Variants in MRI1 observed in about 807,000 individuals in gnomAD.
MRI1 encodes the protein methylthioribose-1-phosphate isomerase 1.
In MRI1, 32 loss-of-function variants were observed where a neutral mutation model predicts 27.3. That is an observed-to-expected ratio of 1.17 (90% CI 0.88 to 1.57). The LOEUF is 1.57. MRI1 is among the 40% of genes most tolerant of loss of function. The probability of loss-of-function intolerance (pLI) is 0.00; values close to 1 mark genes in which losing one functional copy is unlikely to be tolerated. For missense variants in MRI1, 508 were observed against 516.1 expected, an observed-to-expected ratio of 0.98 and a Z score of 0.15; for synonymous variants, 216 against 227.4, an observed-to-expected ratio of 0.95 and a Z score of 0.45.
In MRI1 at chr19:13,766,020, A is replaced by T. The variant is rs1408526006; in HGVS notation, c.438A>T (p.Leu146=). ...DLRDNRSIGD[L]GARHLLERVA... is the part of the protein sequence containing the mutation. Reference sequence around the variant, plus strand: ...GAGACAACCGAAGCATTGGGGACCTAGGAGCCCGCCACCTCCTGGAGCGGG... The same window carrying T: ...GAGACAACCGAAGCATTGGGGACCTTGGAGCCCGCCACCTCCTGGAGCGGG... Residue 146 remains leucine (L), a synonymous_variant, in exon 3 of 6, where the codon CTA becomes CTT. Transcript: ENST00000040663. 2 of 1,613,310 alleles carry T rather than the reference A, an allele frequency of 1.2e-6. No individual in the cohort carries two copies. The highest frequency in any genetic ancestry group is 2.2e-5 in the South Asian group (2 of 91,036).
intron 2 of MRI1, among the ~76,000 whole-genome samples, chr19:13,765,388 G>A (rs1974099909): frequency 6.6e-6 from 1 of 152,094 alleles, no homozygotes; most frequent in Non-Finnish European, 1.5e-5. Flanking sequence ...TCCGCCCTTG[G>A]AGGCCCTTTT....
In MRI1 at chr19:13,768,885, C is replaced by CT; in HGVS notation, c.787dup (p.Tyr263LeufsTer24). 1 of 1,613,940 alleles carries CT rather than the reference C, an allele frequency of 6.2e-7. No individual in the cohort carries two copies. Among genetic ancestry groups the CT allele is most frequent in the African/African-American group, 1.3e-5 (1 of 75,068 alleles). ...GCGACACAGCCAACAAGGTGGGCAC[C>CT]TACCAGCTGGCCATTGTCGCCAAGC... On this transcript the variant is annotated frameshift_variant, in exon 5 of 6. Coordinates refer to ENST00000040663, the MANE Select transcript of MRI1 (RefSeq NM_001031727.4). LOFTEE classifies it high-confidence loss of function.
In MRI1 at chr19:13,768,910, C is replaced by T; in HGVS notation, c.811C>T (p.His271Tyr). 6.2e-7 allele frequency: 1 copy of T among 1,614,132 alleles called. No homozygotes were observed. The highest frequency in any genetic ancestry group is 8.5e-7 in the Non-Finnish European group (1 of 1,179,998). ...CTACCAGCTGGCCATTGTCGCCAAG[C>T]ACCATGGCATTCCCTTCTACGTGGC... ...GTYQLAIVAKHHGIPFYVAAP... is the reference protein window; with the variant it reads ...GTYQLAIVAKYHGIPFYVAAP... Residue 271 changes from histidine (H) to tyrosine (Y), a missense_variant, in exon 5 of 6, where the codon CAC becomes TAC. By Grantham distance (83) the His-to-Tyr change is moderately conservative. Transcript: ENST00000040663.
At chr19:13,770,581 C>T (rs986986263) in intron 5 of MRI1, among the ~76,000 whole-genome samples, 1 of 151,126 alleles carries the variant, frequency 6.6e-6, no homozygotes, top group Admixed American at 6.6e-5. Context: ...AGCGAAACTC[C>T]ATCTCAAAAA....
chr19:13,768,975 C>T lies in MRI1; in HGVS notation c.876C>T (p.Gly292=). Residue 292 remains glycine (G), a synonymous_variant, in exon 5 of 6, where the codon GGC becomes GGT. Coordinates refer to ENST00000040663, the MANE Select transcript of MRI1 (RefSeq NM_001031727.4). ...SSSCDLRLET[G]KEIIIEERPG... is the part of the protein sequence containing the mutation. ...CATGTGACCTCCGTCTGGAGACCGG[C>T]AAGGAGATCATTATTGAAGAGCGAC... 6.2e-7 allele frequency: 1 copy of T among 1,614,028 alleles called. No homozygotes were observed. The highest frequency in any genetic ancestry group is 8.5e-7 in the Non-Finnish European group (1 of 1,179,972).
chr19:13,764,641 A>T lies in MRI1; in HGVS notation c.53A>T (p.Gln18Leu). The T allele has an allele frequency of 2.5e-6, 4 of 1,607,322 alleles. No individual in the cohort carries two copies. Among genetic ancestry groups the T allele is most frequent in the Non-Finnish European group, 3.4e-6 (4 of 1,178,636 alleles). The change falls in exon 1 of 6, where the codon CAG becomes CTG. Residue 18 changes from glutamine (Q) to leucine (L), a missense_variant. Physicochemically the swap from Gln to Leu is moderately radical, Grantham distance 113. Transcript: ENST00000040663. ...CGGGGCTCCCTGCAGATCCTAGACC[A>T]GCTGCTGCTGCCCAAGCAGAGCCGC... is the stretch of plus-strand genomic sequence containing the variant. ...YSRGSLQILD[Q>L]LLLPKQSRYE...
chr19:13,767,008 C>CATATATATATATATATATATATATAT (rs1250741648), intron 3 of MRI1, among the ~76,000 whole-genome samples: 3 of 49,592 alleles, frequency 6.0e-5, no homozygotes, highest in Non-Finnish European at 7.8e-5. Flanking sequence ...TGCACATCCA[C>CATATATATATATATATATATATATAT]ATATATATAT....
chr19:13,772,851 T>A lies in MRI1; in HGVS notation c.*570T>A, dbSNP rs894455467. The stretch of plus-strand genomic sequence containing the variant: ...TCAAAAATAAATATAATTAATTAAT[T>A]ATTTAATTAAAAAAATAAAAAATAA... On this transcript the variant is annotated 3_prime_UTR_variant, in exon 6 of 6. Transcript: ENST00000040663. 3.3e-5 allele frequency: 5 copies of A among 151,470 alleles called. No homozygotes were observed. The highest frequency in any genetic ancestry group is 1.2e-4 in the African/African-American group (5 of 41,214). The allele number at this position is 151,470 out of a possible 1,614,324, so 9.4% of individuals were successfully genotyped here. A position where few individuals can be genotyped will look rare whatever the true frequency, so the allele number is the denominator to read the frequency against.
At position 13,766,135 on chromosome 19, in the gene MRI1, A is replaced by G; in HGVS notation, c.547+6A>G. The G allele has an allele frequency of 6.5e-7, 1 of 1,534,978 alleles. No homozygotes were observed. Among genetic ancestry groups the G allele is most frequent in the Non-Finnish European group, 8.8e-7 (1 of 1,138,234 alleles). On this transcript the variant is annotated splice_donor_region_variant and intron_variant, in intron 3 of 5. Transcript: ENST00000040663. Reference sequence around the variant, plus strand: ...TGGCTATGGTACAGCCCTAGGTGAGAGGGCCTCCTCAGGGGGTAGGGGAGG... The same window carrying G: ...TGGCTATGGTACAGCCCTAGGTGAGGGGGCCTCCTCAGGGGGTAGGGGAGG...
At position 13,769,288 on chromosome 19, in the gene MRI1, C is replaced by G. The variant is rs745590106; in HGVS notation, c.949+240C>G. ...AAGCAGTTCTCCTGCCTCAGCCCCCCAAGTAGCTGGGACTATAGGTGGGTG... is the reference window on the plus strand; with the variant it reads ...AAGCAGTTCTCCTGCCTCAGCCCCCGAAGTAGCTGGGACTATAGGTGGGTG... On this transcript the variant is annotated intron_variant, in intron 5 of 5. Transcript: ENST00000040663. Among the ~76,000 whole-genome samples the G allele has an allele frequency of 1.8e-4, 28 of 152,216 alleles. 1 individual carries two copies. Among genetic ancestry groups the G allele is most frequent in the Non-Finnish European group, 3.4e-4 (23 of 68,042 alleles).
At chr19:13,771,895 G>C (rs1355642929) in intron 5 of MRI1, among the ~76,000 whole-genome samples, 1 of 152,112 alleles carries the variant, frequency 6.6e-6, no homozygotes, top group Non-Finnish European at 1.5e-5. Flanking sequence ...GATGTGTATA[G>C]GACTTTGAAT....
rs903524296 is a variant in MRI1 at position 13,768,600 on chromosome 19, A to G, written c.587A>G (p.His196Arg). ...RSLHSLGRLE[H>R]AFCTETRPYN... is the part of the protein sequence containing the mutation. ...CTGCACAGCCTGGGCCGCCTGGAGC[A>G]TGCCTTCTGCACAGAGACCCGGCCC... The change falls in exon 4 of 6, where the codon CAT (histidine) becomes CGT (arginine). Residue 196 changes from histidine to arginine, a missense_variant. By Grantham distance (29) the His-to-Arg change is conservative. This residue lies in a region of MRI1 where 457 missense variants were observed against 452.8 expected (regional missense o/e 1.01). Coordinates refer to ENST00000040663, the MANE Select transcript of MRI1 (RefSeq NM_001031727.4). The G allele has an allele frequency of 6.8e-6, 11 of 1,612,030 alleles. No homozygotes were observed. The highest frequency in any genetic ancestry group is 2.2e-5 in the East Asian group (1 of 44,832).
rs960648016 is a variant in MRI1 at position 13,773,646 on chromosome 19, A to T, written c.*1365A>T. ...CCCATCTCTTTAAAAAAAAAAAAAA[A>T]TCCATGATGAACAAAACAAGTATTT... On this transcript the variant is annotated 3_prime_UTR_variant, in exon 6 of 6. Coordinates refer to ENST00000040663, the MANE Select transcript of MRI1 (RefSeq NM_001031727.4). 3 of 131,580 alleles carry T rather than the reference A, an allele frequency of 2.3e-5. No homozygotes were observed. The highest frequency in any genetic ancestry group is 7.2e-5 in the African/African-American group (2 of 27,720). 8.2% of individuals were successfully genotyped at this position (131,580 alleles called of 1,614,324 possible).
Position 13,772,115 on chromosome 19 carries a change from C to T in MRI1, c.950-6C>T. 6.2e-7 allele frequency: 1 copy of T among 1,610,706 alleles called. No individual in the cohort carries two copies. The highest frequency in any genetic ancestry group is 8.5e-7 in the Non-Finnish European group (1 of 1,178,260). On this transcript the variant is annotated splice_region_variant and splice_polypyrimidine_tract_variant and intron_variant, in intron 5 of 5. Coordinates refer to ENST00000040663, the MANE Select transcript of MRI1 (RefSeq NM_001031727.4). Reference sequence around the variant, plus strand: ...TGCCTCCTTGCCTCCCCTCTCTCCCCTGCAGGGATTGGAGTTTGGAATCCT... The same window carrying T: ...TGCCTCCTTGCCTCCCCTCTCTCCCTTGCAGGGATTGGAGTTTGGAATCCT...
At position 13,765,034 on chromosome 19, in the gene MRI1, C is replaced by G; in HGVS notation, c.296C>G (p.Ala99Gly). The G allele has an allele frequency of 1.3e-6, 2 of 1,524,498 alleles. No homozygotes were observed. The highest frequency in any genetic ancestry group is 8.8e-7 in the Non-Finnish European group (1 of 1,141,016). 94.4% of individuals were successfully genotyped at this position (1,524,498 alleles called of 1,614,324 possible). A position where few individuals can be genotyped will look rare whatever the true frequency, so the allele number is the denominator to read the frequency against. ...ARPTAVNMAR[A>G]ARDLADVAAR... ...CCCACCGCTGTCAACATGGCCCGCG[C>G]CGCCCGCGACCTGGCTGATGTTGCA... Residue 99 changes from alanine (A) to glycine (G), a missense_variant, in exon 2 of 6, where the codon GCC (alanine) becomes GGC (glycine). Physicochemically the swap from Ala to Gly is moderately conservative, Grantham distance 60 (BLOSUM62 0). This residue lies in a region of MRI1 where 457 missense variants were observed against 452.8 expected (regional missense o/e 1.01). Coordinates refer to ENST00000040663, the MANE Select transcript of MRI1 (RefSeq NM_001031727.4).
intron 5 of MRI1, among the ~76,000 whole-genome samples, chr19:13,770,516 C>T (rs997379464): frequency 6.6e-6 from 1 of 150,388 alleles, no homozygotes; most frequent in Non-Finnish European, 1.5e-5. Flanking sequence ...GAACCTAGGA[C>T]GCAGAGGTTG....
Position 13,772,542 on chromosome 19 carries a change from T to G in MRI1, c.*261T>G, listed in dbSNP as rs919091275. The stretch of plus-strand genomic sequence containing the variant: ...GGTTTCCTCATTTATAAAATGTGGA[T>G]AACAGGCCGGGCGCAGTGGCTCACA... On this transcript the variant is annotated 3_prime_UTR_variant, in exon 6 of 6. Transcript: ENST00000040663. 5 of 335,788 alleles carry G rather than the reference T, an allele frequency of 1.5e-5. No individual in the cohort carries two copies. Among genetic ancestry groups the G allele is most frequent in the Non-Finnish European group, 2.2e-5 (4 of 181,602 alleles). The allele number at this position is 335,788 out of a possible 1,614,324, so 20.8% of individuals were successfully genotyped here.
At position 13,773,352 on chromosome 19, in the gene MRI1, T is replaced by C. The variant is rs1974310809; in HGVS notation, c.*1071T>C. ...AAATCAAAATTAATGCAAAAATCCATGATGAGGCCAGGCTTGGTGGCTCAT... is the reference window on the plus strand; with the variant it reads ...AAATCAAAATTAATGCAAAAATCCACGATGAGGCCAGGCTTGGTGGCTCAT... On this transcript the variant is annotated 3_prime_UTR_variant, in exon 6 of 6. Coordinates refer to ENST00000040663, the MANE Select transcript of MRI1 (RefSeq NM_001031727.4). 6.6e-6 allele frequency: 1 copy of C among 151,494 alleles called. No individual in the cohort carries two copies. The highest frequency in any genetic ancestry group is 6.6e-5 in the Admixed American group (1 of 15,214). 9.4% of individuals were successfully genotyped at this position (151,494 alleles called of 1,614,324 possible). A position where few individuals can be genotyped will look rare whatever the true frequency, so the allele number is the denominator to read the frequency against.
rs757298652 is a variant in MRI1, at chr19:13,769,078, C to T, written c.949+30C>T. The T allele has an allele frequency of 8.3e-6, 13 of 1,562,408 alleles. No individual in the cohort carries two copies. The East Asian group carries it at 2.6e-4, about 31-fold the overall frequency. On this transcript the variant is annotated intron_variant, in intron 5 of 5. Transcript: ENST00000040663. ...GCTGCCCCCTCAGAAAGGGGACACC[C>T]CAGCTCCTGGGCACTTCATGGAGGC...
Sources: gnomAD v4.1 joint callset for allele counts (sites outside exome capture counted in the v4.1 genomes callset) on GRCh38, gnomAD v4.1.1 for gene constraint, gnomAD v4.1.1 regional missense constraint, MANE v1.5 for transcripts, NCBI Gene and HGNC (gene_info 2026-07-23, HGNC 2026-07-21) for gene names.